Variants in ARL15 observed in about 807,000 individuals in gnomAD.
ARL15 encodes ARF like GTPase 15.
Under a neutral mutation model 25.2 loss-of-function variants are expected in ARL15, and 19 were observed. That is an observed-to-expected ratio of 0.75 (90% CI 0.53 to 1.10). The LOEUF (loss-of-function observed/expected upper bound fraction) is 1.10, where lower values mean the gene tolerates loss of function less well. Ranked by LOEUF, ARL15 falls within the 50% of genes least tolerant of loss-of-function variation. The pLI is 0.00. For missense variants in ARL15, 220 were observed against 246.0 expected (o/e 0.89, Z 0.71); for synonymous variants, 94 against 86.8 (o/e 1.08, Z -0.46).
chr5:54,030,915 G>A (rs1280113158), intron 4 of ARL15, among the ~76,000 whole-genome samples: 1 of 152,190 alleles, frequency 6.6e-6, no homozygotes, highest in Non-Finnish European at 1.5e-5. Context: ...AGATTAGGAT[G>A]ATTTAGGTCA....
At chr5:54,284,495 A>G (rs900413963) in intron 1 of ARL15, among the ~76,000 whole-genome samples, 6 of 152,228 alleles carry the variant, frequency 3.9e-5, no homozygotes, top group Non-Finnish European at 7.3e-5. Context: ...AAAAGTAGGT[A>G]TTCCCAGTGC....
chr5:54,037,135 AT>A (rs542538026), intron 4 of ARL15, among the ~76,000 whole-genome samples: 1 of 151,966 alleles, frequency 6.6e-6, no homozygotes, highest in East Asian at 1.9e-4. Flanking sequence ...TAAGCCATAC[AT>A]TTTTTTAAAT....
chr5:53,917,722 A>G (rs978218517), intron 4 of ARL15, among the ~76,000 whole-genome samples: 1 of 152,184 alleles, frequency 6.6e-6, no homozygotes, highest in African/African-American at 2.4e-5. Context: ...CTTTTCTGAT[A>G]CTCAAGCTGC....
chr5:54,154,019 A>G (rs1040389686), intron 3 of ARL15, among the ~76,000 whole-genome samples: 2 of 152,204 alleles, frequency 1.3e-5, no homozygotes, highest in African/African-American at 4.8e-5. Flanking sequence ...TACATGGGTT[A>G]AGACCCTGAC....
chr5:53,991,563 G>GAAA (rs771075344), intron 4 of ARL15, among the ~76,000 whole-genome samples: 19,348 of 127,124 alleles, frequency 0.15, 2,143 homozygotes, highest in Middle Eastern at 0.26. Context: ...AAAAAAAAAG[G>GAAA]GGGGGCGGGG....
chr5:53,996,182 T>C (rs1198814139), intron 4 of ARL15, among the ~76,000 whole-genome samples: 1 of 152,218 alleles, frequency 6.6e-6, no homozygotes, highest in African/African-American at 2.4e-5. Context: ...CTCTGCCGCC[T>C]AGCTGGGGAC....
chr5:54,072,206 C>T (rs1221926013), intron 4 of ARL15, among the ~76,000 whole-genome samples: 3 of 152,122 alleles, frequency 2.0e-5, no homozygotes, highest in African/African-American at 7.2e-5. Flanking sequence ...CTATCAGCCA[C>T]GATCACTAAC....
intron 4 of ARL15, among the ~76,000 whole-genome samples, chr5:53,899,850 A>G (rs967240047): frequency 1.3e-5 from 2 of 152,218 alleles, no homozygotes; most frequent in African/African-American, 4.8e-5. Context: ...CAATCAGTGA[A>G]TAGGATTTCT....
intron 4 of ARL15, among the ~76,000 whole-genome samples, chr5:54,076,022 A>G (rs979672779): frequency 4.6e-5 from 7 of 152,174 alleles, no homozygotes; most frequent in African/African-American, 1.7e-4. Flanking sequence ...GTGTGTGTGC[A>G]TGTGTAAATA....
chr5:54,006,566 T>C (rs1014246051), intron 4 of ARL15, among the ~76,000 whole-genome samples: 1 of 152,168 alleles, frequency 6.6e-6, no homozygotes, highest in Non-Finnish European at 1.5e-5. Flanking sequence ...GAGAACATAC[T>C]GTTCCAATTT....
At chr5:53,890,011 C>T (rs1000613632) in intron 4 of ARL15, among the ~76,000 whole-genome samples, 16 of 152,110 alleles carry the variant, frequency 1.1e-4, no homozygotes, top group African/African-American at 3.9e-4. Context: ...CAGAATTTCA[C>T]CACGTTGGCC....
intron 3 of ARL15, among the ~76,000 whole-genome samples, chr5:54,115,821 A>G (rs993584091): frequency 6.6e-6 from 1 of 152,198 alleles, no homozygotes; most frequent in Non-Finnish European, 1.5e-5. Context: ...AGATTATTTA[A>G]TATAGGGAAT....
At chr5:54,083,865 G>GAGTT (rs1751876858) in intron 4 of ARL15, among the ~76,000 whole-genome samples, 1 of 152,174 alleles carries the variant, frequency 6.6e-6, no homozygotes, top group East Asian at 1.9e-4. Flanking sequence ...TATCACTGAT[G>GAGTT]AGTTGTTCAT....
chr5:54,074,387 G>T (rs1471318188), intron 4 of ARL15, among the ~76,000 whole-genome samples: 1 of 152,090 alleles, frequency 6.6e-6, no homozygotes, highest in Non-Finnish European at 1.5e-5. Flanking sequence ...GTGACAGACT[G>T]GGACTAATAA....
chr5:54,273,110 G>A (rs997096869), intron 1 of ARL15, among the ~76,000 whole-genome samples: 5 of 152,162 alleles, frequency 3.3e-5, no homozygotes, highest in South Asian at 2.1e-4. Context: ...TCAGCAAACC[G>A]TACTAAACTT....
At chr5:54,100,225 A>C (rs1242277309) in intron 4 of ARL15, among the ~76,000 whole-genome samples, 1 of 152,304 alleles carries the variant, frequency 6.6e-6, no homozygotes, top group East Asian at 1.9e-4. Context: ...AGACACATGT[A>C]TATGTAGTCA....
intron 1 of ARL15, among the ~76,000 whole-genome samples, chr5:54,300,062 A>T (rs1758575613): frequency 6.6e-6 from 1 of 152,008 alleles, no homozygotes. Context: ...ATAGTGCATG[A>T]CCCCATTACC....
intron 1 of ARL15, among the ~76,000 whole-genome samples, chr5:54,218,346 T>C (rs2112524821): frequency 6.6e-6 from 1 of 152,320 alleles, no homozygotes; most frequent in South Asian, 2.1e-4. Context: ...AGAAGACGGC[T>C]ATGCCTATTG....
chr5:53,989,576 GGT>G (rs34198507), intron 4 of ARL15, among the ~76,000 whole-genome samples: 93,597 of 149,354 alleles, frequency 0.63, 29,529 homozygotes, highest in East Asian at 0.85. Flanking sequence ...ACCAGGGAGG[GGT>G]GTGTGTGTGT....
Sources: allele counts gnomAD v4.1 joint callset (sites outside exome capture counted in the v4.1 genomes callset), GRCh38; gene constraint gnomAD v4.1.1; transcripts MANE v1.5; gene names NCBI Gene and HGNC (gene_info 2026-07-23, HGNC 2026-07-21).